The following CLCN3 variants were observed in gnomAD, a reference collection of about 807,000 sequenced individuals.
CLCN3 encodes the protein Cl-/H+ antiporter 3, also known as H(+)/Cl(-) exchange transporter 3.
Under a neutral mutation model 83.4 loss-of-function variants are expected in CLCN3, and 16 were observed. The ratio of observed to expected loss-of-function variants is 0.19; its 90% CI spans 0.13 to 0.29. The LOEUF (loss-of-function observed/expected upper bound fraction) is 0.29. Ranked by LOEUF, CLCN3 falls within the 10% of genes least tolerant of loss-of-function variation. CLCN3 has a pLI of 1.00. For missense variants in CLCN3, 544 were observed against 1,006.0 expected (o/e 0.54, Z 6.21); for synonymous variants, 322 against 346.2 (o/e 0.93, Z 0.78).
Position 169,622,179 on chromosome 4 carries a change from G to A in CLCN3, c.-17+1116G>A, listed in dbSNP as rs148972804. Among the ~76,000 whole-genome samples the A allele has an allele frequency of 6.6e-4, 101 of 152,298 alleles. No homozygotes were observed. The East Asian group carries it at 7.3e-3, about 11-fold the overall frequency. On this transcript the variant is annotated intron_variant, in intron 1 of 12. Coordinates refer to ENST00000513761, the MANE Select transcript of CLCN3 (RefSeq NM_001829.4). ...ATTATTTTAAGAAGTCAATATGAAT[G>A]TATAGTACCTACATTTTTACTTGGA... is the stretch of plus-strand genomic sequence containing the variant.
chr4:169,713,413 T>C, intron 12 of CLCN3, 118 bp downstream of exon 12: 2 of 710,662 alleles, frequency 2.8e-6, no homozygotes, highest in Middle Eastern at 4.0e-4. Context: ...AAGTCTGTCC[T>C]ATGGTATAGT....
chr4:169,693,036 A>G (rs1226879459), intron 7 of CLCN3, among the ~76,000 whole-genome samples: 3 of 152,152 alleles, frequency 2.0e-5, no homozygotes, highest in Non-Finnish European at 4.4e-5. Flanking sequence ...TTCCAAATCT[A>G]AATCTACAGC....
chr4:169,658,403 C>G (rs1730949060), intron 2 of CLCN3, among the ~76,000 whole-genome samples: 1 of 151,810 alleles, frequency 6.6e-6, no homozygotes, highest in Non-Finnish European at 1.5e-5. Context: ...AGTTGTAGAT[C>G]AGGAAAAACA....
chr4:169,689,113 T>C lies in CLCN3; in HGVS notation c.489T>C (p.Ser163=). Residue 163 remains serine, a synonymous_variant, in exon 5 of 13, where the codon AGT becomes AGC. Coordinates refer to ENST00000513761, the MANE Select transcript of CLCN3 (RefSeq NM_001829.4). ...ACCTAAAGGAGGGCATTTGCCTTAG[T>C]GCGTTGTGGTACAACCACGAACAGT... ...MTDLKEGICL[S]ALWYNHEQCC... 1 of 1,613,850 alleles carries C rather than the reference T, an allele frequency of 6.2e-7. No individual in the cohort carries two copies. Among genetic ancestry groups the C allele is most frequent in the Non-Finnish European group, 8.5e-7 (1 of 1,179,900 alleles).
rs190061327 is a variant in CLCN3, at chr4:169,701,071, A to C, written c.1564-2927A>C. Among the ~76,000 whole-genome samples, 312 of 152,274 alleles carry C rather than the reference A, an allele frequency of 2.0e-3. 2 individuals are homozygous for C. The Middle Eastern group carries it at 0.027, about 13-fold the overall frequency. On this transcript the variant is annotated intron_variant, in intron 9 of 12. Coordinates refer to ENST00000513761, the MANE Select transcript of CLCN3 (RefSeq NM_001829.4). ...GTAGCATGTGATGCTGTTTGATACC[A>C]TTTTACCTACAGTAGACCTTCTTTT...
At chr4:169,708,224 G>T (rs1314606311) in intron 11 of CLCN3, among the ~76,000 whole-genome samples, 1 of 152,120 alleles carries the variant, frequency 6.6e-6, no homozygotes, top group Non-Finnish European at 1.5e-5. Flanking sequence ...CCATTTGAAT[G>T]GCACAAGACC....
At chr4:169,683,272 G>T (rs1465705470) in intron 3 of CLCN3, among the ~76,000 whole-genome samples, 1 of 152,144 alleles carries the variant, frequency 6.6e-6, no homozygotes, top group East Asian at 1.9e-4. Context: ...TTGAGGCAGA[G>T]GATCGCTGGA....
chr4:169,620,982 G>A lies in CLCN3; in HGVS notation c.-98G>A. 1 of 398,358 alleles carries A rather than the reference G, an allele frequency of 2.5e-6. No individual in the cohort carries two copies. 24.7% of individuals were successfully genotyped at this position (398,358 alleles called of 1,614,324 possible). ...TTCGGTGGAGCTCCGAGGGTAGCTA[G>A]GTTCTAGGTTTGAAACAGATGCAGA... is the stretch of plus-strand genomic sequence containing the variant. On this transcript the variant is annotated 5_prime_UTR_variant, in exon 1 of 13. Transcript: ENST00000513761.
chr4:169,657,539 A>C (rs1364500981), intron 2 of CLCN3, among the ~76,000 whole-genome samples: 1 of 152,178 alleles, frequency 6.6e-6, no homozygotes, highest in Non-Finnish European at 1.5e-5. Flanking sequence ...TAGATTTCTC[A>C]GATCATTACT....
chr4:169,707,106 T>C lies in CLCN3; in HGVS notation c.1989T>C (p.Asn663=). The C allele has an allele frequency of 1.2e-6, 2 of 1,614,112 alleles. No homozygotes were observed. The highest frequency in any genetic ancestry group is 1.7e-6 in the Non-Finnish European group (2 of 1,179,978). ...CTGACGTTATGAGACCTCGAAGGAATGATCCTCCCTTAGCTGTCCTGACAC... is the reference window on the plus strand; with the variant it reads ...CTGACGTTATGAGACCTCGAAGGAACGATCCTCCCTTAGCTGTCCTGACAC... ...LAADVMRPRR[N]DPPLAVLTQD... Residue 663 remains asparagine (N), a synonymous_variant, in exon 11 of 13, where the codon AAT becomes AAC. Transcript: ENST00000513761.
chr4:169,681,951 A>G (rs1484863020), intron 3 of CLCN3, among the ~76,000 whole-genome samples: 1 of 152,232 alleles, frequency 6.6e-6, no homozygotes, highest in African/African-American at 2.4e-5. Context: ...TCATACACAG[A>G]TAATATAGTT....
chr4:169,673,766 TTAA>T (rs1477375387), intron 2 of CLCN3, among the ~76,000 whole-genome samples: 6 of 152,182 alleles, frequency 3.9e-5, no homozygotes, highest in Non-Finnish European at 7.4e-5. Flanking sequence ...TCCTGAAATA[TTAA>T]TATTTTACCA....
At chr4:169,679,911 C>T (rs1731867450) in intron 2 of CLCN3, 139 bp from the exon 3 acceptor site, 5 of 614,926 alleles carry the variant, frequency 8.1e-6, no homozygotes, top group Admixed American at 5.6e-5. Flanking sequence ...AGGGGGAGAC[C>T]GTGGAAAGCG....
intron 3 of CLCN3, among the ~76,000 whole-genome samples, chr4:169,681,263 G>A (rs572338318): frequency 6.6e-5 from 10 of 152,178 alleles, no homozygotes; most frequent in Non-Finnish European, 1.0e-4. Context: ...GGCGAGGCTA[G>A]TCTCAGACTC....
At position 169,719,908 on chromosome 4, in the gene CLCN3, C is replaced by T. The variant is rs199740610; in HGVS notation, c.2368C>T (p.Arg790Cys). ...LRQCLVTHNGRLLGIITKKDI... is the reference protein window; with the variant it reads ...LRQCLVTHNGCLLGIITKKDI... Reference sequence around the variant, plus strand: ...GAGTCTTCTGTTTATTCCTTTCAGGCGCCTCCTTGGCATTATAACAAAAAA... The same window carrying T: ...GAGTCTTCTGTTTATTCCTTTCAGGTGCCTCCTTGGCATTATAACAAAAAA... The change falls in exon 13 of 13, where the codon CGC becomes TGC. Residue 790 changes from arginine to cysteine, a missense_variant and splice_region_variant. Transcript: ENST00000513761. 9.3e-6 allele frequency: 15 copies of T among 1,605,716 alleles called. No individual in the cohort carries two copies. The highest frequency in any genetic ancestry group is 2.2e-5 in the East Asian group (1 of 44,838).
intron 10 of CLCN3, among the ~76,000 whole-genome samples, chr4:169,705,866 GTAT>G (rs1014666541): frequency 2.0e-5 from 3 of 151,990 alleles, no homozygotes; most frequent in Admixed American, 6.6e-5. Flanking sequence ...AGATAAAATG[GTAT>G]TATAATTAAG....
intron 2 of CLCN3, 129 bp from the exon 3 acceptor site, chr4:169,679,921 G>C: frequency 2.9e-6 from 2 of 689,964 alleles, no homozygotes; most frequent in South Asian, 1.7e-5. Context: ...CGTGGAAAGC[G>C]GGAGGTGGAG....
chr4:169,660,262 T>C (rs1281227569), intron 2 of CLCN3: 1 of 1,259,652 alleles, frequency 7.9e-7, no homozygotes, highest in African/African-American at 1.6e-5. Flanking sequence ...TCATCAAATA[T>C]GGCATCTCCC....
intron 3 of CLCN3, 135 bp from the exon 4 acceptor site, chr4:169,687,523 C>T: frequency 1.9e-6 from 1 of 536,194 alleles, no homozygotes; most frequent in Non-Finnish European, 3.3e-6. Flanking sequence ...TGATTTTGCT[C>T]CAGACTTACC....
Sources: allele counts gnomAD v4.1 joint callset (sites outside exome capture counted in the v4.1 genomes callset), GRCh38; gene constraint gnomAD v4.1.1; transcripts MANE v1.5; gene names NCBI Gene and HGNC (gene_info 2026-07-23, HGNC 2026-07-21).